Variants in TYW1B observed in about 807,000 individuals in gnomAD.
The protein encoded by TYW1B is S-adenosyl-L-methionine-dependent tRNA 4-demethylwyosine synthase TYW1B.
A neutral mutation model predicts 86.9 loss-of-function variants in TYW1B; 73 were observed. The ratio of observed to expected loss-of-function variants is 0.84; its 90% confidence interval spans 0.70 to 1.02. The LOEUF (loss-of-function observed/expected upper bound fraction) is 1.02, where lower values mean the gene tolerates loss of function less well. TYW1B is among the 50% of genes least tolerant of loss of function. The probability of loss-of-function intolerance (pLI) is 0.00; values close to 1 mark genes in which losing one functional copy is unlikely to be tolerated. For synonymous variants in TYW1B, 248 were observed against 292.8 expected, an observed-to-expected ratio of 0.85 and a Z score of 1.56; for missense variants, 637 against 827.4, an observed-to-expected ratio of 0.77 and a Z score of 2.82.
At chr7:72,630,484 A>G (rs1812456077) in intron 11 of TYW1B, among the ~76,000 whole-genome samples, 1 of 151,870 alleles carries the variant, frequency 6.6e-6, no homozygotes, top group Non-Finnish European at 1.5e-5. Context: ...CACCTTAAGT[A>G]GCAATGCTCA....
rs1159786897 is a variant in TYW1B at position 72,707,317 on chromosome 7, T to C, written c.1370+6304A>G. Among the ~76,000 whole-genome samples the C allele has an allele frequency of 2.0e-3, 309 of 152,202 alleles. 1 individual carries two copies. Among genetic ancestry groups the C allele is most frequent in the African/African-American group, 7.0e-3 (290 of 41,508 alleles). On this transcript the variant is annotated intron_variant, in intron 10 of 13. Coordinates refer to ENST00000620995, the MANE Select transcript of TYW1B (RefSeq NM_001145440.3). ...AGCATAGCTGCTGGGGGATGAGAGG[T>C]CATGTGAATAGAGGCCCCTGGGCCC... is the stretch of plus-strand genomic sequence containing the variant.
chr7:72,822,162 CAAAA>C (rs782637112), intron 2 of TYW1B, among the ~76,000 whole-genome samples: 2 of 36,384 alleles, frequency 5.5e-5, no homozygotes, highest in South Asian at 1.0e-3. Flanking sequence ...GACCCTGTCT[CAAAA>C]AAAAAAAAAA....
chr7:72,632,437 C>T (rs797034897), intron 11 of TYW1B, among the ~76,000 whole-genome samples: 26 of 96,090 alleles, frequency 2.7e-4, no homozygotes, highest in South Asian at 2.3e-3. Flanking sequence ...TATATATATA[C>T]GTATATATAT....
At chr7:72,706,216 G>A (rs1370886843) in intron 10 of TYW1B, among the ~76,000 whole-genome samples, 1 of 152,064 alleles carries the variant, frequency 6.6e-6, no homozygotes, top group Non-Finnish European at 1.5e-5. Context: ...ATCACCTGAG[G>A]TCAGGAGTTT....
chr7:72,648,305 G>A (rs1381856481), intron 11 of TYW1B, among the ~76,000 whole-genome samples: 1 of 152,010 alleles, frequency 6.6e-6, no homozygotes, highest in Non-Finnish European at 1.5e-5. Context: ...CACTTTGGGG[G>A]ACTAAGGTGG....
rs574584644 is a variant in TYW1B, at chr7:72,656,826, T to G, written c.1507-27829A>C. ...GAGCAAGAGCAAAGGAGGAGAAAGGTGCCACACACTTTTACACAACCAGGT... is the reference window on the plus strand; with the variant it reads ...GAGCAAGAGCAAAGGAGGAGAAAGGGGCCACACACTTTTACACAACCAGGT... On this transcript the variant is annotated intron_variant, in intron 11 of 13. Coordinates refer to ENST00000620995, the MANE Select transcript of TYW1B (RefSeq NM_001145440.3). Among the ~76,000 whole-genome samples the G allele has an allele frequency of 7.8e-4, 118 of 151,994 alleles. 4 individuals are homozygous for G. The South Asian group carries it at 0.017, about 22-fold the overall frequency.
chr7:72,689,461 CTT>C (rs1814087985), intron 11 of TYW1B, among the ~76,000 whole-genome samples: 1 of 152,210 alleles, frequency 6.6e-6, no homozygotes, highest in East Asian at 1.9e-4. Context: ...GTAGCTGAGA[CTT>C]TGTCCTCAGT....
chr7:72,591,147 CA>C (rs879992691), intron 13 of TYW1B, among the ~76,000 whole-genome samples: 59 of 137,056 alleles, frequency 4.3e-4, no homozygotes, highest in Admixed American at 4.4e-4. Context: ...ATCCGAATAG[CA>C]AAAAAAAAAG....
At chr7:72,704,032 T>C (rs1470549480) in intron 10 of TYW1B, among the ~76,000 whole-genome samples, 1 of 152,156 alleles carries the variant, frequency 6.6e-6, no homozygotes, top group Non-Finnish European at 1.5e-5. Flanking sequence ...CTACTGTTCC[T>C]CCCGCTTTGT....
intron 4 of TYW1B, among the ~76,000 whole-genome samples, chr7:72,808,480 A>G (rs1554477262): frequency 6.6e-6 from 1 of 151,310 alleles, no homozygotes; most frequent in Non-Finnish European, 1.5e-5. Context: ...GAAAATATGG[A>G]GCAAAATCTA....
intron 11 of TYW1B, among the ~76,000 whole-genome samples, chr7:72,687,540 A>G (rs1814036200): frequency 6.6e-6 from 1 of 152,190 alleles, no homozygotes; most frequent in Non-Finnish European, 1.5e-5. Context: ...AAAATCATGG[A>G]GGAATCTCTG....
At chr7:72,788,540 T>C (rs138973430) in intron 6 of TYW1B, among the ~76,000 whole-genome samples, 3 of 152,286 alleles carry the variant, frequency 2.0e-5, no homozygotes, top group African/African-American at 7.2e-5. Context: ...GTTTGTTTTG[T>C]TTTGTTTTTG....
intron 11 of TYW1B, among the ~76,000 whole-genome samples, chr7:72,679,722 T>A (rs1335681596): frequency 6.6e-6 from 1 of 152,122 alleles, no homozygotes; most frequent in African/African-American, 2.4e-5. Context: ...GGTCAAAAAT[T>A]AAATCAAGTT....
intron 9 of TYW1B, among the ~76,000 whole-genome samples, chr7:72,715,900 C>T (rs1157617984): frequency 6.6e-6 from 1 of 152,090 alleles, no homozygotes; most frequent in Non-Finnish European, 1.5e-5. Context: ...TGTGTCTTCT[C>T]CGACTCCTAT....
intron 10 of TYW1B, among the ~76,000 whole-genome samples, chr7:72,706,447 A>AC (rs1814618285): frequency 6.6e-6 from 1 of 151,540 alleles, no homozygotes; most frequent in African/African-American, 2.4e-5. Flanking sequence ...AAAAAAAAAA[A>AC]AAAAAAAGAA....
At chr7:72,632,282 C>T (rs191496369) in intron 11 of TYW1B, among the ~76,000 whole-genome samples, 1,098 of 52,982 alleles carry the variant, frequency 0.021, 19 homozygotes, top group Middle Eastern at 0.029. Flanking sequence ...TATATATATA[C>T]GTGTATATAT....
At chr7:72,798,052 T>C (rs1202624463) in intron 6 of TYW1B, among the ~76,000 whole-genome samples, 3 of 151,800 alleles carry the variant, frequency 2.0e-5, no homozygotes, top group Non-Finnish European at 2.9e-5. Flanking sequence ...CACACATATA[T>C]ACATGCATAT....
chr7:72,629,572 A>C (rs372658781), intron 11 of TYW1B, among the ~76,000 whole-genome samples: 1 of 150,240 alleles, frequency 6.7e-6, no homozygotes, highest in East Asian at 1.9e-4. Flanking sequence ...TTAGAGACAG[A>C]GTCTCGCTCT....
At position 72,798,292 on chromosome 7, in the gene TYW1B, G is replaced by A. The variant is rs1788344738; in HGVS notation, c.846+4108C>T. 2.6e-5 allele frequency among the ~76,000 whole-genome samples: 4 copies of A among 152,052 alleles called. No homozygotes were observed. The South Asian group carries it at 8.3e-4, about 32-fold the overall frequency. On this transcript the variant is annotated intron_variant, in intron 6 of 13. Coordinates refer to ENST00000620995, the MANE Select transcript of TYW1B (RefSeq NM_001145440.3). ...TGTAGTCCCAGCTACTCGGGAGGCT[G>A]AGGCAGGAGAACGGCGTGAACCCAG...
Sources: allele counts gnomAD v4.1 joint callset (sites outside exome capture counted in the v4.1 genomes callset), GRCh38; gene constraint gnomAD v4.1.1; transcripts MANE v1.5; gene names NCBI Gene and HGNC (gene_info 2026-07-23, HGNC 2026-07-21).